BLTP1: variants seen among roughly 807,000 people sequenced by gnomAD.
The protein encoded by BLTP1 is fragile site-associated protein.
the BLTP1 span, chr4:122,256,095 C>T: frequency 3.1e-6 from 3 of 982,596 alleles, no homozygotes; most frequent in Admixed American, 6.2e-5. Flanking sequence ...AGTTTTAGAA[C>T]TTTTAGGATC....
the BLTP1 span, chr4:122,174,751 T>C: frequency 1.0e-6 from 1 of 952,502 alleles, no homozygotes; most frequent in Non-Finnish European, 1.5e-6. Flanking sequence ...ACTTGCTTCT[T>C]CAAATAAAAC....
At chr4:122,276,469 C>T in the BLTP1 span, 5 of 981,332 alleles carry the variant, frequency 5.1e-6, no homozygotes, top group Non-Finnish European at 4.8e-6. Flanking sequence ...GAGTTGACTA[C>T]TCTGTTAATA....
At chr4:122,224,530 A>G in the BLTP1 span, 31 of 1,613,806 alleles carry the variant, frequency 1.9e-5, no homozygotes, top group Non-Finnish European at 2.5e-5. Flanking sequence ...TACTCAGGGA[A>G]GGTCACATCA....
the BLTP1 span, among the ~76,000 whole-genome samples, chr4:122,321,554 C>G: frequency 6.6e-6 from 1 of 151,620 alleles, no homozygotes; most frequent in Non-Finnish European, 1.5e-5. Context: ...TATACACACA[C>G]TCACACACAT....
the BLTP1 span, among the ~76,000 whole-genome samples, chr4:122,324,808 TAGA>T: frequency 6.6e-6 from 1 of 151,948 alleles, no homozygotes; most frequent in African/African-American, 2.4e-5. Context: ...AACTGTGGTT[TAGA>T]AGGATAGACA....
chr4:122,276,821 T>C, the BLTP1 span: 35 of 975,876 alleles, frequency 3.6e-5, no homozygotes, highest in Non-Finnish European at 4.0e-5. Context: ...TTGAATTTTA[T>C]GTAATACCTA....
At chr4:122,280,689 T>C in the BLTP1 span, among the ~76,000 whole-genome samples, 1 of 147,732 alleles carries the variant, frequency 6.8e-6, no homozygotes, top group Non-Finnish European at 1.5e-5. Flanking sequence ...AAAACAACCA[T>C]GTAAAAGGTT....
chr4:122,257,065 C>G, the BLTP1 span: 1 of 179,964 alleles, frequency 5.6e-6, no homozygotes, highest in Non-Finnish European at 1.1e-5. Flanking sequence ...AGATTAGATT[C>G]TGTAGTCTAC....
chr4:122,203,414 T>C, the BLTP1 span, among the ~76,000 whole-genome samples: 9 of 151,946 alleles, frequency 5.9e-5, no homozygotes, highest in African/African-American at 1.2e-4. Context: ...TACACTGGCA[T>C]TGAAAAGCTC....
the BLTP1 span, among the ~76,000 whole-genome samples, chr4:122,310,398 G>A: frequency 2.0e-5 from 3 of 152,064 alleles, no homozygotes; most frequent in Non-Finnish European, 4.4e-5. Context: ...AAGCATACAG[G>A]TTTATTTAAT....
the BLTP1 span, among the ~76,000 whole-genome samples, chr4:122,282,259 A>G: frequency 6.6e-6 from 1 of 152,174 alleles, no homozygotes; most frequent in Admixed American, 6.5e-5. Flanking sequence ...CATGTAAATT[A>G]TACATATACA....
the BLTP1 span, chr4:122,301,391 G>A: frequency 6.4e-7 from 1 of 1,570,346 alleles, no homozygotes; most frequent in Non-Finnish European, 8.7e-7. Flanking sequence ...TAAACTTGCA[G>A]TTCAAGGTAA....
chr4:122,153,639 A>G, the BLTP1 span, among the ~76,000 whole-genome samples: 1 of 152,150 alleles, frequency 6.6e-6, no homozygotes, highest in Non-Finnish European at 1.5e-5. Flanking sequence ...TTTTCATTTG[A>G]TAAAAAGTAT....
At chr4:122,293,211 A>C in the BLTP1 span, 1 of 977,520 alleles carries the variant, frequency 1.0e-6, no homozygotes, top group African/African-American at 1.8e-5. Flanking sequence ...TATTTATACT[A>C]TGAAATAAAA....
At chr4:122,305,476 T>A in the BLTP1 span, 5 of 975,716 alleles carry the variant, frequency 5.1e-6, no homozygotes, top group Non-Finnish European at 6.1e-6. Context: ...GATTTTAATC[T>A]TTTTTCCTCT....
At chr4:122,299,034 C>G in the BLTP1 span, 10 of 985,236 alleles carry the variant, frequency 1.0e-5, no homozygotes, top group African/African-American at 1.7e-5. Flanking sequence ...TGAGGGTCAG[C>G]TAAGGTACTG....
chr4:122,291,093 A>G, the BLTP1 span, among the ~76,000 whole-genome samples: 2 of 152,152 alleles, frequency 1.3e-5, no homozygotes, highest in East Asian at 1.9e-4. Flanking sequence ...CCCAAGGTCT[A>G]TGAAGAATAA....
chr4:122,352,914 A>G, the BLTP1 span: 2 of 1,613,894 alleles, frequency 1.2e-6, no homozygotes, highest in Non-Finnish European at 1.7e-6. Flanking sequence ...TACTTGATGC[A>G]GCACATCATC....
At chr4:122,348,583 A>G in the BLTP1 span, 1 of 1,599,406 alleles carries the variant, frequency 6.3e-7, no homozygotes, top group African/African-American at 1.3e-5. Flanking sequence ...TTTCAAAAAC[A>G]TCAACTCCTT....
Sources: gnomAD v4.1 joint callset for allele counts (sites outside exome capture counted in the v4.1 genomes callset) on GRCh38, gnomAD v4.1.1 for gene constraint, MANE v1.5 for transcripts, NCBI Gene and HGNC (gene_info 2026-07-23, HGNC 2026-07-21) for gene names.